ATAD2B: variants seen among roughly 807,000 people sequenced by gnomAD.
The protein encoded by ATAD2B is ATPase family AAA domain containing 2B.
Under a neutral mutation model 167.6 loss-of-function variants are expected in ATAD2B, and 40 were observed. That is an observed-to-expected ratio of 0.24 (90% CI 0.19 to 0.31). The LOEUF (loss-of-function observed/expected upper bound fraction) is 0.31. Among genes scored for constraint, ATAD2B ranks in the 10% least tolerant of loss-of-function variants. The pLI is 1.00. For synonymous variants in ATAD2B, 579 were observed against 596.5 expected (o/e 0.97, Z 0.43); for missense variants, 1,242 against 1,757.2 (o/e 0.71, Z 5.24).
intron 17 of ATAD2B, among the ~76,000 whole-genome samples, chr2:23,815,058 A>G (rs1359583819): frequency 2.0e-5 from 3 of 146,948 alleles, no homozygotes; most frequent in Non-Finnish European, 4.5e-5. Context: ...TCCGTCTCCA[A>G]AAAAAAAAAA....
At chr2:23,822,411 G>A (rs369947772) in intron 16 of ATAD2B, among the ~76,000 whole-genome samples, 6 of 152,150 alleles carry the variant, frequency 3.9e-5, no homozygotes, top group South Asian at 2.1e-4. Context: ...TGGGCGTGGC[G>A]GCACACGCCT....
chr2:23,863,343 G>C (rs1694704255), intron 12 of ATAD2B, 38 bp downstream of exon 12: 1 of 1,535,986 alleles, frequency 6.5e-7, no homozygotes, highest in Non-Finnish European at 8.8e-7. Flanking sequence ...GAACAGAACA[G>C]AACAGAAAAG....
the ATAD2B span, chr2:23,684,523 G>A: frequency 2.6e-6 from 4 of 1,548,458 alleles, no homozygotes; most frequent in African/African-American, 1.4e-5. This position sits in a 1 kb window ranked among gnomAD's most constrained non-coding sequence, Gnocchi z 4.4. Flanking sequence ...TGTATTTCAA[G>A]GACCTGATTC....
chr2:23,904,491 TAAAA>T (rs1237175338), intron 1 of ATAD2B, among the ~76,000 whole-genome samples: 6 of 148,498 alleles, frequency 4.0e-5, no homozygotes, highest in African/African-American at 1.5e-4. Context: ...GTGTCAGAAT[TAAAA>T]AAGAAAGAAT....
At chr2:23,756,881 A>G (rs1299973287) in intron 25 of ATAD2B, among the ~76,000 whole-genome samples, 1 of 152,178 alleles carries the variant, frequency 6.6e-6, no homozygotes, top group African/African-American at 2.4e-5. Flanking sequence ...TTGCAACACC[A>G]TTCTGAAGTT....
At chr2:23,739,644 G>A in the ATAD2B span, among the ~76,000 whole-genome samples, 1 of 152,098 alleles carries the variant, frequency 6.6e-6, no homozygotes, top group East Asian at 1.9e-4. Flanking sequence ...AAAAGAACTA[G>A]AAAAGCGAGA....
intron 22 of ATAD2B, among the ~76,000 whole-genome samples, chr2:23,773,540 A>G (rs1482934004): frequency 6.6e-6 from 1 of 152,230 alleles, no homozygotes; most frequent in South Asian, 2.1e-4. Flanking sequence ...GAAAAAAAGA[A>G]TAGAATAAAA....
At chr2:23,682,158 G>A in the ATAD2B span, among the ~76,000 whole-genome samples, 6 of 152,142 alleles carry the variant, frequency 3.9e-5, no homozygotes, top group East Asian at 5.8e-4. This position sits in a 1 kb window ranked among gnomAD's most constrained non-coding sequence, Gnocchi z 4.1. Context: ...GGGTCCACAC[G>A]CTCCTGTTTC....
At chr2:23,777,475 A>T (rs1679336737) in intron 22 of ATAD2B, among the ~76,000 whole-genome samples, 1 of 152,132 alleles carries the variant, frequency 6.6e-6, no homozygotes. Flanking sequence ...ACTCATAAAC[A>T]CTAACAGAAA....
At chr2:23,738,830 G>T in the ATAD2B span, among the ~76,000 whole-genome samples, 20 of 152,016 alleles carry the variant, frequency 1.3e-4, no homozygotes, top group African/African-American at 4.4e-4. Context: ...ACACACATAG[G>T]CTCAAAATAA....
chr2:23,840,318 T>A (rs1690677910), intron 13 of ATAD2B, among the ~76,000 whole-genome samples: 1 of 152,342 alleles, frequency 6.6e-6, no homozygotes, highest in African/African-American at 2.4e-5. Context: ...ACATTTTGCA[T>A]TCCTAATACT....
the ATAD2B span, among the ~76,000 whole-genome samples, chr2:23,680,743 G>C: frequency 2.7e-4 from 38 of 142,586 alleles, no homozygotes; most frequent in Middle Eastern, 3.6e-3. The surrounding 1 kb of genome is among the most constrained non-coding windows in gnomAD (Gnocchi z 4.1). Context: ...TTCCCCTGGG[G>C]TCTCTAGGCC....
At chr2:23,787,001 G>A (rs1371738414) in intron 20 of ATAD2B, among the ~76,000 whole-genome samples, 5 of 150,180 alleles carry the variant, frequency 3.3e-5, no homozygotes, top group Non-Finnish European at 5.9e-5. Flanking sequence ...CGTATTCTGA[G>A]TACAACAGAG....
intron 1 of ATAD2B, among the ~76,000 whole-genome samples, chr2:23,920,463 T>C (rs1168742192): frequency 6.6e-6 from 1 of 152,206 alleles, no homozygotes; most frequent in East Asian, 1.9e-4. Context: ...ATAACCATGA[T>C]AGTCTCAAAA....
intron 13 of ATAD2B, among the ~76,000 whole-genome samples, chr2:23,840,363 G>A (rs1489140757): frequency 3.9e-5 from 6 of 152,028 alleles, no homozygotes; most frequent in African/African-American, 7.2e-5. Context: ...GACCAAGCAT[G>A]CCAGAGGCTC....
chr2:23,725,061 A>T, the ATAD2B span, among the ~76,000 whole-genome samples: 1 of 151,294 alleles, frequency 6.6e-6, no homozygotes, highest in African/African-American at 2.4e-5. Flanking sequence ...AAAAAAAAAA[A>T]AAAAAGCCAG....
chr2:23,827,506 C>A (rs535658223), intron 15 of ATAD2B, among the ~76,000 whole-genome samples: 2 of 152,158 alleles, frequency 1.3e-5, no homozygotes, highest in East Asian at 1.9e-4. Flanking sequence ...GACAACTTGA[C>A]TTCTGCTTAT....
rs1174786495 is a variant in ATAD2B at position 23,750,024 on chromosome 2, T to A, written c.*2022A>T. ...AAAAAATCTGCTACATCTTATTTCATCAAATCTTTAAATTCTGTAACAATT... is the reference window on the plus strand; with the variant it reads ...AAAAAATCTGCTACATCTTATTTCAACAAATCTTTAAATTCTGTAACAATT... On this transcript the variant is annotated 3_prime_UTR_variant, in exon 28 of 28. Transcript: ENST00000238789. The A allele has an allele frequency of 6.6e-6, 1 of 152,120 alleles. No homozygotes were observed. The highest frequency in any genetic ancestry group is 1.5e-5 in the Non-Finnish European group (1 of 68,006). 9.4% of individuals were successfully genotyped at this position (152,120 alleles called of 1,614,324 possible).
intron 1 of ATAD2B, among the ~76,000 whole-genome samples, chr2:23,909,137 TAAAAA>T (rs571913634): frequency 1.1e-5 from 1 of 87,858 alleles, no homozygotes; most frequent in African/African-American, 4.0e-5. Context: ...ATAATAATAA[TAAAAA>T]AAAAAAAAGA....
Sources: gnomAD v4.1 joint callset for allele counts (sites outside exome capture counted in the v4.1 genomes callset) on GRCh38, gnomAD v4.1.1 for gene constraint, Gnocchi (gnomAD v3.1) non-coding constraint, MANE v1.5 for transcripts, NCBI Gene and HGNC (gene_info 2026-07-23, HGNC 2026-07-21) for gene names.